Variants in GLIS3 observed in about 807,000 individuals in gnomAD.
GLIS3 encodes the protein zinc finger protein GLIS3.
In GLIS3, 53 loss-of-function variants were observed where a neutral mutation model predicts 78.6. The observed-to-expected ratio is 0.67, with a 90% CI of 0.54 to 0.85. The LOEUF (loss-of-function observed/expected upper bound fraction) is 0.85. Ranked by LOEUF, GLIS3 falls within the 40% of genes least tolerant of loss-of-function variation. The pLI is 0.00. For synonymous variants in GLIS3, 684 were observed against 509.9 expected, an observed-to-expected ratio of 1.34 and a Z score of -4.60; for missense variants, 1,703 against 1,231.1, an observed-to-expected ratio of 1.38 and a Z score of -5.74.
the GLIS3 span, among the ~76,000 whole-genome samples, chr9:4,354,470 C>T: frequency 6.6e-6 from 1 of 152,152 alleles, no homozygotes; most frequent in African/African-American, 2.4e-5. Flanking sequence ...TTATACACTA[C>T]ATCCCAGGAT....
intron 8 of GLIS3, among the ~76,000 whole-genome samples, chr9:3,873,663 G>T (rs1219247011): frequency 6.6e-6 from 1 of 151,052 alleles, no homozygotes; most frequent in Non-Finnish European, 1.5e-5. Flanking sequence ...ATAAAATAAA[G>T]ATAAAAAATA....
At chr9:4,401,977 GAAC>G in the GLIS3 span, among the ~76,000 whole-genome samples, 1 of 152,102 alleles carries the variant, frequency 6.6e-6, no homozygotes, top group South Asian at 2.1e-4. Context: ...TAGTAGAATA[GAAC>G]AACAGATAAA....
At chr9:4,194,733 T>TC (rs1818651243) in intron 2 of GLIS3, among the ~76,000 whole-genome samples, 1 of 151,536 alleles carries the variant, frequency 6.6e-6, no homozygotes. Flanking sequence ...AGGGAGGGAG[T>TC]CTACCTCTGT....
chr9:4,317,953 TA>T (rs1264838007), intron 2 of GLIS3, among the ~76,000 whole-genome samples: 1 of 152,124 alleles, frequency 6.6e-6, no homozygotes, highest in Non-Finnish European at 1.5e-5. Flanking sequence ...TAAATAATAT[TA>T]AAAAAGCACA....
At chr9:4,482,926 A>G in the GLIS3 span, among the ~76,000 whole-genome samples, 8 of 152,268 alleles carry the variant, frequency 5.3e-5, no homozygotes, top group East Asian at 1.5e-3. Flanking sequence ...GGACTTAGGG[A>G]AAAAAAGAGA....
intron 2 of GLIS3, among the ~76,000 whole-genome samples, chr9:4,139,527 T>C (rs915659439): frequency 6.6e-6 from 1 of 152,180 alleles, no homozygotes; most frequent in Non-Finnish European, 1.5e-5. Context: ...TCGCCCCCTC[T>C]GTCCATATTC....
At chr9:4,126,427 A>C (rs1482378808) in intron 2 of GLIS3, among the ~76,000 whole-genome samples, 1 of 151,916 alleles carries the variant, frequency 6.6e-6, no homozygotes, top group Non-Finnish European at 1.5e-5. Flanking sequence ...GTGTCTCTCT[A>C]CTCTTGATTT....
chr9:4,220,523 G>T (rs976711097), intron 2 of GLIS3, among the ~76,000 whole-genome samples: 8 of 152,088 alleles, frequency 5.3e-5, no homozygotes, highest in African/African-American at 1.7e-4. Context: ...TCATGTCTGT[G>T]GTATTTCTGC....
intron 2 of GLIS3, among the ~76,000 whole-genome samples, chr9:4,207,624 C>T (rs890095344): frequency 6.6e-6 from 1 of 152,186 alleles, no homozygotes; most frequent in Non-Finnish European, 1.5e-5. Context: ...TTAATCTCCA[C>T]AGCCCATACT....
chr9:4,447,161 C>A, the GLIS3 span, among the ~76,000 whole-genome samples: 5 of 152,138 alleles, frequency 3.3e-5, no homozygotes, highest in Non-Finnish European at 7.3e-5. Flanking sequence ...GATTCTCCCA[C>A]CTTAGCCTCC....
chr9:4,072,543 C>G (rs538678453), intron 4 of GLIS3, among the ~76,000 whole-genome samples: 1 of 152,144 alleles, frequency 6.6e-6, no homozygotes, highest in South Asian at 2.1e-4. Context: ...CTTCCAGCAA[C>G]ATTTAAAAAT....
intron 4 of GLIS3, among the ~76,000 whole-genome samples, chr9:4,070,695 C>G (rs757095703): frequency 1.3e-5 from 2 of 152,120 alleles, no homozygotes; most frequent in Non-Finnish European, 2.9e-5. Context: ...TATTACTCTG[C>G]CCCAAATATC....
chr9:4,149,527 T>C (rs1449813459), intron 2 of GLIS3, among the ~76,000 whole-genome samples: 3 of 152,216 alleles, frequency 2.0e-5, no homozygotes, highest in East Asian at 3.8e-4. Context: ...GCCTCCAACC[T>C]CTTGGTTTCC....
chr9:4,150,021 C>T (rs772899430), intron 2 of GLIS3, among the ~76,000 whole-genome samples: 3 of 151,012 alleles, frequency 2.0e-5, no homozygotes, highest in Non-Finnish European at 2.9e-5. Context: ...ACATAATGCA[C>T]GTGCGGGTGC....
chr9:4,209,392 A>G (rs1220398900), intron 2 of GLIS3, among the ~76,000 whole-genome samples: 1 of 152,198 alleles, frequency 6.6e-6, no homozygotes, highest in East Asian at 1.9e-4. Flanking sequence ...GGTGTGGACC[A>G]GAGAAACTAA....
chr9:4,252,831 C>A (rs747302469), intron 2 of GLIS3, among the ~76,000 whole-genome samples: 1 of 152,120 alleles, frequency 6.6e-6, no homozygotes, highest in Admixed American at 6.5e-5. Context: ...GATGCTATTC[C>A]TTTCTGTTTG....
chr9:4,379,286 T>G, the GLIS3 span, among the ~76,000 whole-genome samples: 1 of 152,206 alleles, frequency 6.6e-6, no homozygotes, highest in South Asian at 2.1e-4. Context: ...TTCAGCCTCT[T>G]GAACCTGGTG....
chr9:4,354,399 G>A, the GLIS3 span, among the ~76,000 whole-genome samples: 1 of 152,164 alleles, frequency 6.6e-6, no homozygotes, highest in South Asian at 2.1e-4. Flanking sequence ...TCCCTAGCCA[G>A]AGTCACCTCC....
rs1018025937 is a variant in GLIS3, at chr9:3,844,070, C to T, written c.2473+11939G>A. ...GCACTCACAATTCTACGTAAACCAA[C>T]GAGAAATTTTAAGGGAATTGGGATT... is the stretch of plus-strand genomic sequence containing the variant. On this transcript the variant is annotated intron_variant, in intron 9 of 10. Coordinates refer to ENST00000381971, the MANE Select transcript of GLIS3 (RefSeq NM_001042413.2). Among the ~76,000 whole-genome samples the T allele has an allele frequency of 5.3e-5, 8 of 152,130 alleles. No individual in the cohort carries two copies. In the East Asian group the frequency reaches 5.8e-4, roughly 11 times the overall value.
Sources: allele counts gnomAD v4.1 joint callset (sites outside exome capture counted in the v4.1 genomes callset), GRCh38; gene constraint gnomAD v4.1.1; transcripts MANE v1.5; gene names NCBI Gene and HGNC (gene_info 2026-07-23, HGNC 2026-07-21).